SGCZ: variants seen among roughly 807,000 people sequenced by gnomAD.
SGCZ encodes zeta-sarcoglycan.
A neutral mutation model predicts 41.3 loss-of-function variants in SGCZ; 40 were observed. The observed-to-expected ratio is 0.97, with a 90% CI of 0.75 to 1.26. SGCZ has a LOEUF of 1.26. Among genes scored for constraint, SGCZ ranks in the 50% most tolerant of loss-of-function variants. The pLI is 0.00. For synonymous variants in SGCZ, 206 were observed against 137.5 expected (o/e 1.50, Z -3.49); for missense variants, 552 against 369.8 (o/e 1.49, Z -4.04).
intron 5 of SGCZ, among the ~76,000 whole-genome samples, chr8:14,110,561 G>T (rs1585143402): frequency 6.6e-6 from 1 of 152,044 alleles, no homozygotes; most frequent in African/African-American, 2.4e-5. Flanking sequence ...ACCACGTAAA[G>T]GGCGAAATTT....
chr8:14,962,981 G>C (rs1263833957), intron 1 of SGCZ, among the ~76,000 whole-genome samples: 1 of 152,134 alleles, frequency 6.6e-6, no homozygotes, highest in African/African-American at 2.4e-5. Context: ...GTTTACTTTA[G>C]GCAAAACTGA....
At chr8:14,434,416 G>T (rs1400122627) in intron 2 of SGCZ, among the ~76,000 whole-genome samples, 3 of 152,126 alleles carry the variant, frequency 2.0e-5, no homozygotes, top group Non-Finnish European at 4.4e-5. Flanking sequence ...CTCCAGATTT[G>T]TTCTTTTTGT....
chr8:15,100,553 C>A (rs1358295800), intron 1 of SGCZ, among the ~76,000 whole-genome samples: 2 of 152,212 alleles, frequency 1.3e-5, no homozygotes, highest in Non-Finnish European at 2.9e-5. Flanking sequence ...TCAACACAAT[C>A]TCCATGAAAT....
chr8:14,681,588 C>T (rs928387948), intron 1 of SGCZ, among the ~76,000 whole-genome samples: 4 of 152,074 alleles, frequency 2.6e-5, no homozygotes, highest in African/African-American at 9.7e-5. Context: ...TGATGGTCTT[C>T]GAAATACCTC....
chr8:14,460,609 C>G (rs1800874248), intron 2 of SGCZ, among the ~76,000 whole-genome samples: 1 of 152,002 alleles, frequency 6.6e-6, no homozygotes, highest in Admixed American at 6.6e-5. Context: ...ATCTAAAGAC[C>G]AATTGAGTAA....
intron 1 of SGCZ, among the ~76,000 whole-genome samples, chr8:14,824,039 G>C (rs565144670): frequency 1.3e-4 from 19 of 150,732 alleles, no homozygotes; most frequent in Middle Eastern, 3.4e-3. Context: ...GAAAAAAAAA[G>C]GTAGAGGATA....
At chr8:14,840,075 T>G (rs1316849839) in intron 1 of SGCZ, among the ~76,000 whole-genome samples, 1 of 152,112 alleles carries the variant, frequency 6.6e-6, no homozygotes, top group South Asian at 2.1e-4. Flanking sequence ...ACATTTAAAT[T>G]AATAAAACAC....
At chr8:14,153,216 T>C (rs1803764447) in intron 5 of SGCZ, among the ~76,000 whole-genome samples, 1 of 152,212 alleles carries the variant, frequency 6.6e-6, no homozygotes, top group African/African-American at 2.4e-5. Flanking sequence ...CAACTGTATG[T>C]ACACTGATAA....
Position 15,152,081 on chromosome 8 carries a change from C to T in SGCZ, c.39+85504G>A, listed in dbSNP as rs544444883. On this transcript the variant is annotated intron_variant, in intron 1 of 7. Transcript: ENST00000382080. ...GGTGTTTTATTATTACTTTAATTTC[C>T]TTTTGAAAGAATCACTTTTCTGGAT... Among the ~76,000 whole-genome samples the T allele has an allele frequency of 2.0e-5, 3 of 152,156 alleles. No homozygotes were observed. In the South Asian group the frequency reaches 6.2e-4, roughly 32 times the overall value.
At chr8:14,443,048 C>A (rs887184570) in intron 2 of SGCZ, among the ~76,000 whole-genome samples, 2 of 152,138 alleles carry the variant, frequency 1.3e-5, no homozygotes, top group Non-Finnish European at 1.5e-5. Flanking sequence ...CATGAGTGAA[C>A]TCCCATTCAC....
At chr8:14,204,204 G>C (rs938238063) in intron 4 of SGCZ, among the ~76,000 whole-genome samples, 19 of 152,104 alleles carry the variant, frequency 1.2e-4, no homozygotes, top group African/African-American at 3.9e-4. Context: ...AAATAGATGG[G>C]GGTAATTTGT....
chr8:14,416,816 T>C (rs35487723), intron 2 of SGCZ, among the ~76,000 whole-genome samples: 20,610 of 151,770 alleles, frequency 0.14, 3,016 homozygotes, highest in African/African-American at 0.37. Context: ...GAGAGAGCAA[T>C]ATACATCTCA....
intron 1 of SGCZ, among the ~76,000 whole-genome samples, chr8:15,156,512 T>C (rs1007204410): frequency 2.6e-5 from 4 of 152,194 alleles, no homozygotes; most frequent in African/African-American, 9.6e-5. Flanking sequence ...TTGACTGTCA[T>C]GATTTGCTGT....
chr8:15,112,953 G>A (rs1176237601), intron 1 of SGCZ, among the ~76,000 whole-genome samples: 1 of 152,066 alleles, frequency 6.6e-6, no homozygotes, highest in East Asian at 1.9e-4. Context: ...AAAAAGCAGG[G>A]CACAGTACAC....
intron 2 of SGCZ, among the ~76,000 whole-genome samples, chr8:14,389,733 G>A (rs542161938): frequency 2.5e-4 from 38 of 151,950 alleles, no homozygotes; most frequent in Admixed American, 7.9e-4. Flanking sequence ...GAAGAAACTC[G>A]CAAAGAGCAA....
At chr8:15,218,265 A>G (rs1801482740) in intron 1 of SGCZ, among the ~76,000 whole-genome samples, 1 of 152,198 alleles carries the variant, frequency 6.6e-6, no homozygotes, top group Admixed American at 6.5e-5. Context: ...TGGAAGAGTT[A>G]TTTAAAAGAA....
intron 1 of SGCZ, among the ~76,000 whole-genome samples, chr8:14,784,218 T>A (rs76034614): frequency 4.6e-5 from 2 of 43,118 alleles, no homozygotes; most frequent in African/African-American, 8.2e-5. Flanking sequence ...GCCTGGCTAA[T>A]TTTTTTTTAT....
At chr8:14,140,332 G>A (rs184185928) in intron 5 of SGCZ, among the ~76,000 whole-genome samples, 2 of 152,196 alleles carry the variant, frequency 1.3e-5, no homozygotes. Flanking sequence ...AAATCAGGCA[G>A]GAGAAAGAAA....
rs181221828 is a variant in SGCZ, at chr8:14,740,224, C to G, written c.40-185298G>C. On this transcript the variant is annotated intron_variant, in intron 1 of 7. Coordinates refer to ENST00000382080, the MANE Select transcript of SGCZ (RefSeq NM_139167.4). ...TAAAAGTTTATTCCAAATCAAATAT[C>G]TGAGTATATTAAAGAGCTTACCTTT... is the stretch of plus-strand genomic sequence containing the variant. 2.6e-5 allele frequency among the ~76,000 whole-genome samples: 4 copies of G among 152,078 alleles called. No homozygotes were observed. In the East Asian group the frequency reaches 7.8e-4, roughly 29 times the overall value.
Sources: allele counts gnomAD v4.1 joint callset (sites outside exome capture counted in the v4.1 genomes callset), GRCh38; gene constraint gnomAD v4.1.1; transcripts MANE v1.5; gene names NCBI Gene and HGNC (gene_info 2026-07-23, HGNC 2026-07-21).